The following RBM7 variants were observed in gnomAD, a reference collection of about 807,000 sequenced individuals.
RBM7 encodes the protein RNA-binding protein 7.
Under a neutral mutation model 31.0 loss-of-function variants are expected in RBM7, and 13 were observed. That is an observed-to-expected ratio of 0.42 (90% CI 0.27 to 0.67). The LOEUF (loss-of-function observed/expected upper bound fraction) is 0.67, where lower values mean the gene tolerates loss of function less well. Ranked by LOEUF, RBM7 falls within the 30% of genes least tolerant of loss-of-function variation. RBM7 has a pLI of 0.24. For missense variants in RBM7, 245 were observed against 326.2 expected (o/e 0.75, Z 1.92); for synonymous variants, 106 against 111.2 (o/e 0.95, Z 0.30).
intron 4 of RBM7, chr11:114,406,763 G>C (rs1946270575): frequency 6.6e-6 from 1 of 152,242 alleles, no homozygotes; most frequent in East Asian, 1.9e-4. Flanking sequence ...CGGGTGCGGT[G>C]GCTAACGCCT....
chr11:114,404,069 T>C (rs964105233), intron 3 of RBM7, among the ~76,000 whole-genome samples: 2 of 152,172 alleles, frequency 1.3e-5, no homozygotes, highest in African/African-American at 4.8e-5. Context: ...AGAGGGTCTT[T>C]TAAACTATAA....
chr11:114,402,700 C>T lies in RBM7; in HGVS notation c.260-128C>T, dbSNP rs1021156032. The T allele has an allele frequency of 6.1e-5, 48 of 791,532 alleles. No homozygotes were observed. The Middle Eastern group carries it at 1.8e-3, about 30-fold the overall frequency. 49.0% of individuals were successfully genotyped at this position (791,532 alleles called of 1,614,324 possible). ...GATTACAGGCGTCAGCCACCGCGCC[C>T]GGCCAGTAGTTTGAGATTTTTCTCT... On this transcript the variant is annotated intron_variant, in intron 2 of 4. Coordinates refer to ENST00000375490, the MANE Select transcript of RBM7 (RefSeq NM_001286045.2).
rs1946301272 is a variant in RBM7 at position 114,408,757 on chromosome 11, T to A, written c.*950T>A. Reference sequence around the variant, plus strand: ...ATCTTAACGTTTTCTAATTTTAAAATTTTAAAATCTTGTTTAACAAAAGCT... The same window carrying A: ...ATCTTAACGTTTTCTAATTTTAAAAATTTAAAATCTTGTTTAACAAAAGCT... On this transcript the variant is annotated 3_prime_UTR_variant, in exon 5 of 5. Coordinates refer to ENST00000375490, the MANE Select transcript of RBM7 (RefSeq NM_001286045.2). 1.3e-5 allele frequency: 2 copies of A among 152,160 alleles called. No homozygotes were observed. Among genetic ancestry groups the A allele is most frequent in the Admixed American group, 1.3e-4 (2 of 15,288 alleles). 9.4% of individuals were successfully genotyped at this position (152,160 alleles called of 1,614,324 possible).
chr11:114,400,865 C>G (rs1946189798), intron 1 of RBM7, 98 bp downstream of exon 1: 4 of 1,392,592 alleles, frequency 2.9e-6, no homozygotes. Context: ...GTCAGGGGAC[C>G]CGACGGGTGG....
chr11:114,403,414 C>G (rs1318729870), intron 3 of RBM7, among the ~76,000 whole-genome samples: 1 of 152,144 alleles, frequency 6.6e-6, no homozygotes, highest in African/African-American at 2.4e-5. Context: ...GAGCTAGTCT[C>G]CTTTCTTTAG....
intron 4 of RBM7, chr11:114,406,794 G>A (rs956175424): frequency 8.5e-5 from 13 of 152,326 alleles, no homozygotes; most frequent in Admixed American, 5.9e-4. Flanking sequence ...CACTTTGGGA[G>A]GCTGAGGTGG....
In RBM7 at chr11:114,408,819, G is replaced by A. The variant is rs1946302059; in HGVS notation, c.*1012G>A. 1 of 151,808 alleles carries A rather than the reference G, an allele frequency of 6.6e-6. No homozygotes were observed. Among genetic ancestry groups the A allele is most frequent in the Non-Finnish European group, 1.5e-5 (1 of 67,936 alleles). The allele number at this position is 151,808 out of a possible 1,614,324, so 9.4% of individuals were successfully genotyped here. On this transcript the variant is annotated 3_prime_UTR_variant, in exon 5 of 5. Coordinates refer to ENST00000375490, the MANE Select transcript of RBM7 (RefSeq NM_001286045.2). ...ACTGTTTTCATTTCATTACAGAATTGTTTATAAAAGTTCATTTGTTGAAAA... is the reference window on the plus strand; with the variant it reads ...ACTGTTTTCATTTCATTACAGAATTATTTATAAAAGTTCATTTGTTGAAAA...
intron 4 of RBM7, 118 bp from the exon 5 acceptor site, chr11:114,407,327 T>A (rs1946277936): frequency 1.0e-6 from 1 of 985,902 alleles, no homozygotes; most frequent in Non-Finnish European, 1.5e-6. Flanking sequence ...ACTGCTTTAG[T>A]TGTGGATCCA....
chr11:114,407,504 T>C lies in RBM7; in HGVS notation c.501T>C (p.Asp167=). Reference sequence around the variant, plus strand: ...GAAAATTTGGTTCTTCACCTCTGGATCAATCAGGATTTTCACCATCAGTTC... The same window carrying C: ...GAAAATTTGGTTCTTCACCTCTGGACCAATCAGGATTTTCACCATCAGTTC... ...YGGKFGSSPL[D]QSGFSPSVQS... The change falls in exon 5 of 5, where the codon GAT becomes GAC. Residue 167 remains aspartate (D), a synonymous_variant. Coordinates refer to ENST00000375490, the MANE Select transcript of RBM7 (RefSeq NM_001286045.2). 1 of 1,614,190 alleles carries C rather than the reference T, an allele frequency of 6.2e-7. No individual in the cohort carries two copies. Among genetic ancestry groups the C allele is most frequent in the Non-Finnish European group, 8.5e-7 (1 of 1,180,016 alleles).
intron 3 of RBM7, among the ~76,000 whole-genome samples, chr11:114,403,138 G>A (rs910155209): frequency 6.6e-6 from 1 of 152,114 alleles, no homozygotes; most frequent in Non-Finnish European, 1.5e-5. Context: ...GAATAGATAC[G>A]TATATAACTA....
At position 114,405,434 on chromosome 11, in the gene RBM7, C is replaced by A. The variant is rs530446942; in HGVS notation, c.348-272C>A. ...TAACCTTGGTGTTCAGTTCTAACTA[C>A]AAATGTCACCTTTTTAGAAAGGCAG... On this transcript the variant is annotated intron_variant, in intron 3 of 4. Coordinates refer to ENST00000375490, the MANE Select transcript of RBM7 (RefSeq NM_001286045.2). Among the ~76,000 whole-genome samples, 16 of 152,276 alleles carry A rather than the reference C, an allele frequency of 1.1e-4. No homozygotes were observed. The South Asian group carries it at 2.3e-3, about 22-fold the overall frequency.
Position 114,401,767 on chromosome 11 carries a change from A to G in RBM7, c.166A>G (p.Asn56Asp). 6.3e-7 allele frequency: 1 copy of G among 1,586,688 alleles called. No homozygotes were observed. The highest frequency in any genetic ancestry group is 8.5e-7 in the Non-Finnish European group (1 of 1,170,072). Residue 56 changes from asparagine (N) to aspartate (D), a missense_variant, in exon 2 of 5, where the codon AAT becomes GAT. Asn to Asp is a conservative substitution (Grantham distance 23, BLOSUM62 1). Transcript: ENST00000375490. ...TAAACCAAAGCAGTTTGCGTTTGTG[A>G]ATTTCAAACATGAAGTGTCTGTTCC... ...DGKPKQFAFVNFKHEVSVPYA... is the reference protein window; with the variant it reads ...DGKPKQFAFVDFKHEVSVPYA...
At position 114,407,533 on chromosome 11, in the gene RBM7, C is replaced by A. The variant is rs1363040917; in HGVS notation, c.530C>A (p.Ser177Ter). The change falls in exon 5 of 5, where the codon TCA (serine) becomes TAA (stop). Residue 177 changes from serine to a stop codon, truncating the protein, a stop_gained. Transcript: ENST00000375490. LOFTEE classifies it high-confidence loss of function. ...TCAGGATTTTCACCATCAGTTCAAT[C>A]ACACAGTCATAGTTTCAATCAGTCT... is the stretch of plus-strand genomic sequence containing the variant. ...DQSGFSPSVQ[S>*]HSHSFNQSSS... 6.2e-7 allele frequency: 1 copy of A among 1,614,192 alleles called. No homozygotes were observed. The highest frequency in any genetic ancestry group is 8.5e-7 in the Non-Finnish European group (1 of 1,180,030).
intron 4 of RBM7, chr11:114,406,045 G>A (rs114450351): frequency 2.6e-6 from 1 of 382,818 alleles, no homozygotes; most frequent in African/African-American, 2.1e-5. Flanking sequence ...TTAAAAGACT[G>A]AAGATAAATA....
At chr11:114,404,737 G>C (rs1276655129) in intron 3 of RBM7, among the ~76,000 whole-genome samples, 3 of 151,374 alleles carry the variant, frequency 2.0e-5, no homozygotes, top group Non-Finnish European at 4.4e-5. Context: ...TCAAAGGCTA[G>C]AGAGTTTATA....
chr11:114,402,145 G>T, intron 2 of RBM7: 1 of 263,180 alleles, frequency 3.8e-6, no homozygotes, highest in Non-Finnish European at 7.0e-6. Context: ...AAAGAGCTAG[G>T]TTTATTTTCT....
intron 2 of RBM7, 44 bp downstream of exon 2, chr11:114,401,904 T>C (rs1276654202): frequency 1.3e-6 from 2 of 1,502,930 alleles, no homozygotes; most frequent in Non-Finnish European, 1.8e-6. Flanking sequence ...TCCTGCTGTT[T>C]TTAAATTTAT....
chr11:114,405,730 C>T lies in RBM7; in HGVS notation c.372C>T (p.Asn124=), dbSNP rs764714568. The change falls in exon 4 of 5, where the codon AAC becomes AAT. Residue 124 remains asparagine, a synonymous_variant. Coordinates refer to ENST00000375490, the MANE Select transcript of RBM7 (RefSeq NM_001286045.2). The part of the protein sequence containing the change: ...PSSRYERTMD[N]MTSSAQIIQR... ...GCAGGTACGAAAGGACTATGGATAA[C>T]ATGACTTCATCAGCACAGATAATTC... The T allele has an allele frequency of 3.4e-5, 55 of 1,604,880 alleles. No homozygotes were observed. The highest frequency in any genetic ancestry group is 4.3e-5 in the Non-Finnish European group (50 of 1,176,138).
rs749400330 is a variant in RBM7, at chr11:114,407,569, A to G, written c.566A>G (p.Gln189Arg). ...AGTTTCAATCAGTCTTCAAGCTCCCAGTGGCGCCAAGGTACACCATCATCA... is the reference window on the plus strand; with the variant it reads ...AGTTTCAATCAGTCTTCAAGCTCCCGGTGGCGCCAAGGTACACCATCATCA... Reference protein sequence around the residue: ...SHSFNQSSSSQWRQGTPSSQR... With the variant: ...SHSFNQSSSSRWRQGTPSSQR... The change falls in exon 5 of 5, where the codon CAG becomes CGG. Residue 189 changes from glutamine (Q) to arginine (R), a missense_variant. Transcript: ENST00000375490. 4 of 1,614,214 alleles carry G rather than the reference A, an allele frequency of 2.5e-6. No homozygotes were observed. The Admixed American group carries it at 6.7e-5, about 27-fold the overall frequency.
Sources: allele counts gnomAD v4.1 joint callset (sites outside exome capture counted in the v4.1 genomes callset), GRCh38; gene constraint gnomAD v4.1.1; transcripts MANE v1.5; gene names NCBI Gene and HGNC (gene_info 2026-07-23, HGNC 2026-07-21).